Variants in WDR11 observed in about 807,000 individuals in gnomAD.
WDR11 encodes the protein WD repeat-containing protein 11.
WDR11 carries 83 observed loss-of-function variants against 151.2 expected under a neutral mutation model. The observed-to-expected ratio is 0.55, with a 90% CI of 0.46 to 0.66. The LOEUF is 0.66. Ranked by LOEUF, WDR11 falls within the 30% of genes least tolerant of loss-of-function variation. The pLI is 0.00. For synonymous variants in WDR11, 484 were observed against 533.1 expected, an observed-to-expected ratio of 0.91 and a Z score of 1.27; for missense variants, 1,301 against 1,480.9, an observed-to-expected ratio of 0.88 and a Z score of 1.99.
intron 10 of WDR11, among the ~76,000 whole-genome samples, chr10:120,873,301 T>G (rs1846613837): frequency 6.6e-6 from 1 of 152,120 alleles, no homozygotes; most frequent in African/African-American, 2.4e-5. Context: ...CATCCAAGAG[T>G]ATAAGGAAGA....
intron 5 of WDR11, 76 bp downstream of exon 5, chr10:120,862,997 C>CTGAT (rs1210848374): frequency 2.0e-6 from 2 of 975,832 alleles, no homozygotes; most frequent in Admixed American, 4.1e-5. Flanking sequence ...TGTACAAAGA[C>CTGAT]TGATGTTTTT....
At position 120,903,149 on chromosome 10, in the gene WDR11, C is replaced by A; in HGVS notation, c.2848C>A (p.Pro950Thr). ...SQEKSASTTA[P>T]KEAAPRDKLS... The stretch of plus-strand genomic sequence containing the variant: ...GGAAAAGTCAGCCAGCACAACAGCT[C>A]CTAAAGAAGCTGCTCCTCGAGACAA... The change falls in exon 23 of 29, where the codon CCT becomes ACT. Residue 950 changes from proline (P) to threonine (T), a missense_variant. By Grantham distance (38) the Pro-to-Thr change is conservative. Around this residue, in one of 3 missense-constraint regions of WDR11, gnomAD observed 589 missense variants for 670.6 expected, o/e 0.88. Transcript: ENST00000263461. 2 of 1,614,180 alleles carry A rather than the reference C, an allele frequency of 1.2e-6. No homozygotes were observed. The highest frequency in any genetic ancestry group is 8.5e-7 in the Non-Finnish European group (1 of 1,180,030).
chr10:120,873,424 G>A (rs1049921821), intron 10 of WDR11, among the ~76,000 whole-genome samples: 1 of 152,108 alleles, frequency 6.6e-6, no homozygotes, highest in Non-Finnish European at 1.5e-5. Context: ...AGAAAACTTT[G>A]GAAAGAAAAA....
At position 120,900,136 on chromosome 10, in the gene WDR11, G is replaced by A. The variant is rs142535627; in HGVS notation, c.2623G>A (p.Val875Ile). ...ACAGTATTCTTTGGACATTTCTCATGTGTAAGTTTTTCACTTTTCTTTTTC... is the reference window on the plus strand; with the variant it reads ...ACAGTATTCTTTGGACATTTCTCATATGTAAGTTTTTCACTTTTCTTTTTC... ...NGQYSLDISH[V>I]DYPENEEIKN... is the part of the protein sequence containing the mutation. Residue 875 changes from valine (V) to isoleucine (I), a missense_variant and splice_region_variant, in exon 20 of 29, where the codon GTT becomes ATT. Val to Ile is a conservative substitution (Grantham distance 29). Transcript: ENST00000263461. The A allele has an allele frequency of 3.1e-6, 5 of 1,610,388 alleles. No homozygotes were observed. The highest frequency in any genetic ancestry group is 3.4e-6 in the Non-Finnish European group (4 of 1,176,668).
At chr10:120,874,075 A>G in intron 11 of WDR11, 152 bp downstream of exon 11, 1 of 636,640 alleles carries the variant, frequency 1.6e-6, no homozygotes, top group Non-Finnish European at 2.8e-6. Context: ...GGCTATGTTA[A>G]TCAAGGATGA....
intron 7 of WDR11, 81 bp downstream of exon 7, chr10:120,865,825 G>A: frequency 1.1e-6 from 1 of 938,166 alleles, no homozygotes. Context: ...ACCAGCCAAG[G>A]TATATAGTTA....
intron 27 of WDR11, 140 bp downstream of exon 27, chr10:120,906,161 A>G (rs781366410): frequency 6.5e-7 from 1 of 1,546,838 alleles, no homozygotes; most frequent in East Asian, 2.4e-5. Flanking sequence ...CAAAAAACCC[A>G]AAGGAGAATG....
chr10:120,879,972 A>C (rs1250214268), intron 12 of WDR11: 1 of 152,208 alleles, frequency 6.6e-6, no homozygotes, highest in Non-Finnish European at 1.5e-5. Flanking sequence ...ATACATGAAC[A>C]CCGTAGTTAT....
chr10:120,854,128 T>C (rs1466602826), intron 2 of WDR11, among the ~76,000 whole-genome samples: 1 of 152,150 alleles, frequency 6.6e-6, no homozygotes, highest in Non-Finnish European at 1.5e-5. Flanking sequence ...ACAATTACAA[T>C]GAACTTTTTT....
At chr10:120,883,478 T>C (rs1443335740) in intron 13 of WDR11, among the ~76,000 whole-genome samples, 1 of 152,152 alleles carries the variant, frequency 6.6e-6, no homozygotes, top group African/African-American at 2.4e-5. Context: ...TCTCCTGTCA[T>C]GTGTGAGAAG....
intron 4 of WDR11, among the ~76,000 whole-genome samples, chr10:120,861,587 T>C (rs1846141718): frequency 6.6e-6 from 1 of 152,166 alleles, no homozygotes; most frequent in Non-Finnish European, 1.5e-5. Flanking sequence ...ATCTCTGTAA[T>C]TTGGTTGATG....
intron 1 of WDR11, chr10:120,852,058 A>C (rs994993985): frequency 3.1e-5 from 7 of 225,036 alleles, no homozygotes; most frequent in Non-Finnish European, 5.3e-5. Flanking sequence ...TCTGAAAACT[A>C]CTCATTAGAC....
Position 120,908,671 on chromosome 10 carries a change from G to A in WDR11, c.3633G>A (p.Leu1211=). ...SKAGAAGKDL[L]NELESPKEEP... is the part of the protein sequence containing the mutation. ...CCGGAGCAGCTGGCAAAGACTTATT[G>A]AATGAGCTTGAGTCCCCCAAGGAAG... is the stretch of plus-strand genomic sequence containing the variant. Residue 1211 remains leucine, a synonymous_variant, in exon 29 of 29, where the codon TTG becomes TTA. Coordinates refer to ENST00000263461, the MANE Select transcript of WDR11 (RefSeq NM_018117.12). The A allele has an allele frequency of 6.2e-7, 1 of 1,614,204 alleles. No homozygotes were observed. Among genetic ancestry groups the A allele is most frequent in the Non-Finnish European group, 8.5e-7 (1 of 1,180,034 alleles).
At chr10:120,880,716 G>A in intron 12 of WDR11, 110 bp from the exon 13 acceptor site, 1 of 941,392 alleles carries the variant, frequency 1.1e-6, no homozygotes, top group Non-Finnish European at 1.7e-6. Flanking sequence ...ATGAATAGGA[G>A]AACAGAGGGT....
At chr10:120,896,542 A>C (rs1039400785) in intron 19 of WDR11, among the ~76,000 whole-genome samples, 3 of 152,162 alleles carry the variant, frequency 2.0e-5, no homozygotes, top group Admixed American at 6.5e-5. Flanking sequence ...CACACACACA[A>C]AAACAGTTCA....
At position 120,865,171 on chromosome 10, in the gene WDR11, G is replaced by A. The variant is rs752492116; in HGVS notation, c.838G>A (p.Gly280Ser). The change falls in exon 6 of 29, where the codon GGT becomes AGT. Residue 280 changes from glycine to serine, a missense_variant. Physicochemically the swap from Gly to Ser is moderately conservative, Grantham distance 56. Transcript: ENST00000263461. ...ILDLEVNQTV[G>S]VIAIERTGVP... ...TGACCTTGAGGTGAATCAGACGGTG[G>A]GTGTGATTGCAATAGAACGCACAGG... The A allele has an allele frequency of 6.2e-7, 1 of 1,613,498 alleles. No homozygotes were observed. The highest frequency in any genetic ancestry group is 1.3e-5 in the African/African-American group (1 of 74,880).
chr10:120,897,412 C>A (rs1847651298), intron 19 of WDR11, among the ~76,000 whole-genome samples: 1 of 152,104 alleles, frequency 6.6e-6, no homozygotes. Flanking sequence ...ATTTCCTCCA[C>A]ATATTACTTA....
chr10:120,877,690 C>T (rs1416436136), intron 11 of WDR11, among the ~76,000 whole-genome samples: 1 of 152,152 alleles, frequency 6.6e-6, no homozygotes, highest in Non-Finnish European at 1.5e-5. Flanking sequence ...TAGCAGTAAA[C>T]TCAAAACATT....
chr10:120,901,442 T>G (rs1413631810), intron 21 of WDR11, among the ~76,000 whole-genome samples: 1 of 152,186 alleles, frequency 6.6e-6, no homozygotes, highest in East Asian at 1.9e-4. Context: ...GGGAGACGAA[T>G]CGCAGGGTGA....
Sources: gnomAD v4.1 joint callset for allele counts (sites outside exome capture counted in the v4.1 genomes callset) on GRCh38, gnomAD v4.1.1 for gene constraint, gnomAD v4.1.1 regional missense constraint, MANE v1.5 for transcripts, NCBI Gene and HGNC (gene_info 2026-07-23, HGNC 2026-07-21) for gene names.